GALNTL6: variants seen among roughly 807,000 people sequenced by gnomAD.
The protein encoded by GALNTL6 is polypeptide N-acetylgalactosaminyltransferase-like 6.
GALNTL6 carries 46 observed loss-of-function variants against 73.7 expected under a neutral mutation model. The observed-to-expected ratio is 0.62, with a 90% confidence interval of 0.49 to 0.80. The LOEUF (loss-of-function observed/expected upper bound fraction) is 0.80. Among genes scored for constraint, GALNTL6 ranks in the 30% least tolerant of loss-of-function variants. The pLI, the probability that GALNTL6 is intolerant of heterozygous loss-of-function variation, is 0.00. For synonymous variants in GALNTL6, 259 were observed against 263.7 expected (o/e 0.98, Z 0.17); for missense variants, 604 against 755.0 (o/e 0.80, Z 2.34).
intron 2 of GALNTL6, among the ~76,000 whole-genome samples, chr4:171,863,761 C>CT (rs34368913): frequency 0.048 from 7,028 of 145,336 alleles, 262 homozygotes; most frequent in Non-Finnish European, 0.063. Context: ...AAAAGGAACA[C>CT]TTTTTTTTTT....
chr4:172,026,068 G>A (rs952146793), intron 2 of GALNTL6, among the ~76,000 whole-genome samples: 2 of 151,768 alleles, frequency 1.3e-5, no homozygotes, highest in African/African-American at 2.4e-5. Flanking sequence ...TTGGTCTTTA[G>A]TAAAAGCAAT....
chr4:172,928,070 A>AAGAGCC (rs1270793397), intron 8 of GALNTL6, among the ~76,000 whole-genome samples: 1 of 152,260 alleles, frequency 6.6e-6, no homozygotes. Flanking sequence ...TTTATAGAAC[A>AAGAGCC]AGAGCCAGCA....
chr4:172,872,223 T>C (rs1459562662), intron 7 of GALNTL6, among the ~76,000 whole-genome samples: 1 of 152,240 alleles, frequency 6.6e-6, no homozygotes, highest in Admixed American at 6.5e-5. Context: ...CATGCTAATT[T>C]GCAGAACAGA....
At chr4:171,844,179 C>T (rs749073049) in intron 2 of GALNTL6, among the ~76,000 whole-genome samples, 11 of 151,948 alleles carry the variant, frequency 7.2e-5, no homozygotes, top group Non-Finnish European at 1.6e-4. Context: ...AATCTTTTTT[C>T]TTCTAGTTTG....
At chr4:172,080,544 T>C (rs1189319556) in intron 2 of GALNTL6, among the ~76,000 whole-genome samples, 1 of 152,160 alleles carries the variant, frequency 6.6e-6, no homozygotes, top group African/African-American at 2.4e-5. Flanking sequence ...TATATGACTA[T>C]TTTAGAAATA....
chr4:172,544,130 G>A (rs1403922197), intron 5 of GALNTL6, among the ~76,000 whole-genome samples: 1 of 152,144 alleles, frequency 6.6e-6, no homozygotes, highest in African/African-American at 2.4e-5. Context: ...AAGCTGTTGT[G>A]CCACTTGGCT....
At chr4:172,788,687 A>T (rs963948495) in intron 5 of GALNTL6, among the ~76,000 whole-genome samples, 5 of 151,410 alleles carry the variant, frequency 3.3e-5, no homozygotes, top group African/African-American at 7.3e-5. Context: ...AAAAAAAAAA[A>T]AAAAGATAGA....
At chr4:172,686,973 A>G (rs1413715724) in intron 5 of GALNTL6, among the ~76,000 whole-genome samples, 4 of 152,334 alleles carry the variant, frequency 2.6e-5, no homozygotes, top group South Asian at 4.1e-4. Context: ...TCTGTGATGC[A>G]GGTAACATCA....
intron 2 of GALNTL6, among the ~76,000 whole-genome samples, chr4:172,218,395 A>G (rs1736562358): frequency 6.6e-6 from 1 of 151,994 alleles, no homozygotes; most frequent in South Asian, 2.1e-4. Context: ...GATTTTCTTC[A>G]TGATGACCTG....
At chr4:172,608,749 T>C (rs1294891267) in intron 5 of GALNTL6, among the ~76,000 whole-genome samples, 1 of 152,108 alleles carries the variant, frequency 6.6e-6, no homozygotes, top group Admixed American at 6.6e-5. Flanking sequence ...ATTTTAATAA[T>C]ACTGATTTAG....
At chr4:172,843,713 T>G (rs188476302) in intron 7 of GALNTL6, among the ~76,000 whole-genome samples, 1 of 152,284 alleles carries the variant, frequency 6.6e-6, no homozygotes, top group Non-Finnish European at 1.5e-5. Flanking sequence ...ACAAAAGAAA[T>G]GACAGATGTC....
intron 2 of GALNTL6, among the ~76,000 whole-genome samples, chr4:172,054,622 C>G (rs1730969717): frequency 6.6e-6 from 1 of 152,122 alleles, no homozygotes; most frequent in Admixed American, 6.6e-5. Context: ...CACAAGAACT[C>G]CACCCTCATG....
intron 4 of GALNTL6, among the ~76,000 whole-genome samples, chr4:172,318,740 A>T (rs1740655786): frequency 6.7e-6 from 1 of 150,084 alleles, no homozygotes; most frequent in South Asian, 2.1e-4. Context: ...ACAAAAAACA[A>T]CAAAAAAAGA....
At chr4:172,763,481 A>G (rs992311447) in intron 5 of GALNTL6, among the ~76,000 whole-genome samples, 3 of 152,232 alleles carry the variant, frequency 2.0e-5, no homozygotes, top group African/African-American at 2.4e-5. Context: ...AAATCATTCC[A>G]TTGTCATTTA....
chr4:172,648,575 A>G (rs1740343116), intron 5 of GALNTL6, among the ~76,000 whole-genome samples: 1 of 152,168 alleles, frequency 6.6e-6, no homozygotes, highest in Non-Finnish European at 1.5e-5. Flanking sequence ...AACACGATTC[A>G]AAACAATTTT....
Position 172,813,584 on chromosome 4 carries a change from G to A in GALNTL6, c.784G>A (p.Asp262Asn), listed in dbSNP as rs1741432752. 6 of 1,612,102 alleles carry A rather than the reference G, an allele frequency of 3.7e-6. No homozygotes were observed. Among genetic ancestry groups the A allele is most frequent in the South Asian group, 1.1e-5 (1 of 90,842 alleles). The stretch of plus-strand genomic sequence containing the variant: ...CAAAACCATCGTGTGTCCCATGATC[G>A]ATGTCATTGACCACAATCACTTCGG... ...NHKTIVCPMI[D>N]VIDHNHFGYE... Residue 262 changes from aspartate to asparagine, a missense_variant, in exon 7 of 13, where the codon GAT becomes AAT. Asp to Asn is a conservative substitution (Grantham distance 23, BLOSUM62 1). Coordinates refer to ENST00000506823, the MANE Select transcript of GALNTL6 (RefSeq NM_001034845.3).
chr4:172,394,589 G>A (rs142934033), intron 5 of GALNTL6, among the ~76,000 whole-genome samples: 4,777 of 151,772 alleles, frequency 0.031, 244 homozygotes, highest in African/African-American at 0.11. Flanking sequence ...ACACCACCAC[G>A]CCCAGCTAAT....
At chr4:172,060,927 G>A (rs868716639) in intron 2 of GALNTL6, among the ~76,000 whole-genome samples, 1 of 151,958 alleles carries the variant, frequency 6.6e-6, no homozygotes, top group African/African-American at 2.4e-5. Context: ...ATATTACATG[G>A]GCTCTAAGGA....
At chr4:172,180,829 C>T (rs567807595) in intron 2 of GALNTL6, among the ~76,000 whole-genome samples, 2 of 152,242 alleles carry the variant, frequency 1.3e-5, no homozygotes, top group East Asian at 1.9e-4. Context: ...GGTACCAGTA[C>T]CATGCTGTTT....
Sources: gnomAD v4.1 joint callset for allele counts (sites outside exome capture counted in the v4.1 genomes callset) on GRCh38, gnomAD v4.1.1 for gene constraint, MANE v1.5 for transcripts, NCBI Gene and HGNC (gene_info 2026-07-23, HGNC 2026-07-21) for gene names.